Variants in SUGP2 observed in about 807,000 individuals in gnomAD.
The protein encoded by SUGP2 is SURP and G-patch domain containing 2, also known as SURP and G-patch domain-containing protein 2.
Under a neutral mutation model 90.5 loss-of-function variants are expected in SUGP2, and 24 were observed. The observed-to-expected ratio is 0.27, with a 90% confidence interval of 0.19 to 0.37. The LOEUF (loss-of-function observed/expected upper bound fraction) is 0.37. Among genes scored for constraint, SUGP2 ranks in the 10% least tolerant of loss-of-function variants. SUGP2 has a pLI of 1.00. For missense variants in SUGP2, 1,233 were observed against 1,363.3 expected (o/e 0.90, Z 1.51); for synonymous variants, 473 against 513.4 (o/e 0.92, Z 1.06).
rs1231548045 is a variant in SUGP2, at chr19:18,993,468, G to A, written c.*273C>T. The A allele has an allele frequency of 6.6e-6, 1 of 152,272 alleles. No individual in the cohort carries two copies. Among genetic ancestry groups the A allele is most frequent in the East Asian group, 1.9e-4 (1 of 5,200 alleles). The allele number at this position is 152,272 out of a possible 1,614,324, so 9.4% of individuals were successfully genotyped here. On this transcript the variant is annotated 3_prime_UTR_variant, in exon 11 of 11. Transcript: ENST00000452918. ...CCTTTCGGGGGCAGCGCCACCTTCT[G>A]AAGGGGAACCAAGACAGATTTGGAG... is the stretch of plus-strand genomic sequence containing the variant.
At chr19:18,995,387 C>T in intron 8 of SUGP2, 107 bp from the exon 9 acceptor site, 1 of 1,286,116 alleles carries the variant, frequency 7.8e-7, no homozygotes. Context: ...GCCCTCCTGA[C>T]TCCCCAGATG....
At chr19:19,024,435 C>T (rs1402584602) in intron 3 of SUGP2, among the ~76,000 whole-genome samples, 184 bp downstream of exon 3, 2 of 152,212 alleles carry the variant, frequency 1.3e-5, no homozygotes, top group Admixed American at 1.3e-4. Context: ...TGGTAAACAG[C>T]AGATTCCTAA....
Position 18,994,470 on chromosome 19 carries a change from C to G in SUGP2, c.3145G>C (p.Gly1049Arg). Residue 1049 changes from glycine to arginine, a missense_variant, in exon 10 of 11, where the codon GGG becomes CGG. Gly to Arg is a moderately radical substitution (Grantham distance 125). Around this residue, in one of 8 missense-constraint regions of SUGP2, gnomAD observed 53 missense variants for 55.3 expected, o/e 0.96. Coordinates refer to ENST00000452918, the MANE Select transcript of SUGP2 (RefSeq NM_001017392.5). ...TGCCCGTCAGCACCCAACCCTTCCCCTTCCGAGGGGGTTCCCCTAGGGAGT... is the reference window on the plus strand; with the variant it reads ...TGCCCGTCAGCACCCAACCCTTCCCGTTCCGAGGGGGTTCCCCTAGGGAGT... ...EPVSVGTPSE[G>R]EGLGADGQEH... 4 of 1,614,188 alleles carry G rather than the reference C, an allele frequency of 2.5e-6. No homozygotes were observed. The highest frequency in any genetic ancestry group is 3.4e-6 in the Non-Finnish European group (4 of 1,180,014).
intron 8 of SUGP2, among the ~76,000 whole-genome samples, chr19:18,997,800 A>AAG (rs1555725590): frequency 7.4e-4 from 109 of 147,816 alleles, no homozygotes; most frequent in African/African-American, 2.4e-3. Flanking sequence ...AAAAAAAAAA[A>AAG]AAAGAAAGAA....
At chr19:19,013,305 TCTC>T (rs2058372848) in intron 4 of SUGP2, among the ~76,000 whole-genome samples, 1 of 152,238 alleles carries the variant, frequency 6.6e-6, no homozygotes, top group Non-Finnish European at 1.5e-5. Context: ...TTAGTGCTGT[TCTC>T]CTTAAAGTCT....
intron 3 of SUGP2, among the ~76,000 whole-genome samples, chr19:19,019,907 G>A (rs1470576071): frequency 9.8e-5 from 14 of 142,950 alleles, no homozygotes; most frequent in Non-Finnish European, 9.1e-5. Flanking sequence ...AGCACTTTGG[G>A]AGGCTGAGCG....
intron 6 of SUGP2, among the ~76,000 whole-genome samples, chr19:19,007,755 C>G (rs890236533): frequency 8.8e-6 from 1 of 113,434 alleles, no homozygotes; most frequent in Non-Finnish European, 1.8e-5. Context: ...TGCACCTAGC[C>G]TTTTTTTTTT....
chr19:19,019,287 C>G lies in SUGP2; in HGVS notation c.1730-58G>C, dbSNP rs145717049. On this transcript the variant is annotated intron_variant, in intron 3 of 10. Coordinates refer to ENST00000452918, the MANE Select transcript of SUGP2 (RefSeq NM_001017392.5). The stretch of plus-strand genomic sequence containing the variant: ...ATGCTGAATGTGGGCTCTGAGAAGA[C>G]GAGGATAGTTGAGTAGTTGGGGGCT... 2.6e-6 allele frequency: 4 copies of G among 1,567,524 alleles called. No individual in the cohort carries two copies. In the African/African-American group the frequency reaches 4.0e-5, roughly 16 times the overall value.
chr19:19,005,954 G>A lies in SUGP2; in HGVS notation c.2451-1308C>T, dbSNP rs562356466. Among the ~76,000 whole-genome samples the A allele has an allele frequency of 2.6e-5, 4 of 151,734 alleles. No homozygotes were observed. In the South Asian group the frequency reaches 6.3e-4, roughly 24 times the overall value. ...CAGCAGAAACAAATGAATCTGGGCCGGGCATGGTGGCTCATGCCTCCCAGC... is the reference window on the plus strand; with the variant it reads ...CAGCAGAAACAAATGAATCTGGGCCAGGCATGGTGGCTCATGCCTCCCAGC... On this transcript the variant is annotated intron_variant, in intron 6 of 10. Transcript: ENST00000452918.
rs1037508002 is a variant in SUGP2 at position 18,992,314 on chromosome 19, T to A, written c.*1427A>T. The A allele has an allele frequency of 3.4e-5, 5 of 146,382 alleles. No homozygotes were observed. Among genetic ancestry groups the A allele is most frequent in the African/African-American group, 1.3e-4 (5 of 39,118 alleles). The allele number at this position is 146,382 out of a possible 1,614,324, so 9.1% of individuals were successfully genotyped here. On this transcript the variant is annotated 3_prime_UTR_variant, in exon 11 of 11. Transcript: ENST00000452918. ...ATCCACCTGCCTCGGCCTCCCAAAGTGCTGGAATTATAGGCGTGAGTCACC... is the reference window on the plus strand; with the variant it reads ...ATCCACCTGCCTCGGCCTCCCAAAGAGCTGGAATTATAGGCGTGAGTCACC...
intron 10 of SUGP2, 180 bp downstream of exon 10, chr19:18,994,186 T>G: frequency 1.2e-6 from 1 of 816,414 alleles, no homozygotes; most frequent in African/African-American, 1.7e-5. Context: ...ACCTGGAAGG[T>G]AAGAATGGGG....
intron 4 of SUGP2, among the ~76,000 whole-genome samples, chr19:19,015,347 T>C (rs1453495492): frequency 6.6e-6 from 1 of 152,180 alleles, no homozygotes; most frequent in Admixed American, 6.5e-5. Flanking sequence ...TGGCTTTTCA[T>C]TATGCGTTCA....
chr19:19,024,515 T>C (rs1341711269), intron 3 of SUGP2, 104 bp downstream of exon 3: 13 of 1,347,482 alleles, frequency 9.6e-6, no homozygotes, highest in Non-Finnish European at 1.2e-5. Context: ...TCCTGATATG[T>C]TTCCAATTGG....
chr19:19,017,999 T>C (rs2058565769), intron 4 of SUGP2, among the ~76,000 whole-genome samples: 1 of 151,428 alleles, frequency 6.6e-6, no homozygotes, highest in African/African-American at 2.4e-5. Flanking sequence ...ATCCCAGCAC[T>C]TTGGGAGGCC....
chr19:19,032,245 G>A (rs1242891708), intron 1 of SUGP2, among the ~76,000 whole-genome samples: 2 of 149,842 alleles, frequency 1.3e-5, no homozygotes, highest in Non-Finnish European at 3.0e-5. Flanking sequence ...TGCAACCTCC[G>A]CCTCCTGGAC....
At chr19:19,011,112 C>A (rs560034719) in intron 4 of SUGP2, among the ~76,000 whole-genome samples, 2 of 151,276 alleles carry the variant, frequency 1.3e-5, no homozygotes, top group Non-Finnish European at 2.9e-5. Context: ...GCACTCCAGT[C>A]TGGGCAACAG....
rs1233050066 is a variant in SUGP2, at chr19:18,992,646, C to G, written c.*1095G>C. 1.3e-5 allele frequency: 2 copies of G among 152,268 alleles called. No homozygotes were observed. The highest frequency in any genetic ancestry group is 2.9e-5 in the Non-Finnish European group (2 of 68,114). The allele number at this position is 152,268 out of a possible 1,614,324, so 9.4% of individuals were successfully genotyped here. A position where few individuals can be genotyped will look rare whatever the true frequency, so the allele number is the denominator to read the frequency against. On this transcript the variant is annotated 3_prime_UTR_variant, in exon 11 of 11. Coordinates refer to ENST00000452918, the MANE Select transcript of SUGP2 (RefSeq NM_001017392.5). The stretch of plus-strand genomic sequence containing the variant: ...GGATTACAGGCTTGAGCCACTGTGC[C>G]TGGCCCAAAGCCAGGATTTCTTTAC...
rs1484361862 is a variant in SUGP2, at chr19:19,024,708, G to C, written c.1640C>G (p.Ala547Gly). Reference protein sequence around the residue: ...SSGCPLQVKKAEPEPMREEEK... With the variant: ...SSGCPLQVKKGEPEPMREEEK... The stretch of plus-strand genomic sequence containing the variant: ...CTCCTCTCGCATCGGCTCTGGTTCG[G>C]CTTTCTTAACCTGGAGGGGACATCC... The change falls in exon 3 of 11, where the codon GCC becomes GGC. Residue 547 changes from alanine (A) to glycine (G), a missense_variant. Coordinates refer to ENST00000452918, the MANE Select transcript of SUGP2 (RefSeq NM_001017392.5). The C allele has an allele frequency of 1.2e-6, 2 of 1,614,180 alleles. No individual in the cohort carries two copies. The highest frequency in any genetic ancestry group is 3.3e-5 in the Admixed American group (2 of 60,014).
chr19:19,000,548 T>C (rs77213358), intron 8 of SUGP2, among the ~76,000 whole-genome samples: 1 of 152,146 alleles, frequency 6.6e-6, no homozygotes, highest in Non-Finnish European at 1.5e-5. Flanking sequence ...ACTAAGCTTG[T>C]AAGTTTTTAT....
Sources: gnomAD v4.1 joint callset for allele counts (sites outside exome capture counted in the v4.1 genomes callset) on GRCh38, gnomAD v4.1.1 for gene constraint, gnomAD v4.1.1 regional missense constraint, MANE v1.5 for transcripts, NCBI Gene and HGNC (gene_info 2026-07-23, HGNC 2026-07-21) for gene names.